Variants in PTPRD observed in about 807,000 individuals in gnomAD.
PTPRD encodes the protein protein tyrosine phosphatase receptor type D.
PTPRD carries 34 observed loss-of-function variants against 214.5 expected under a neutral mutation model. The observed-to-expected ratio is 0.16, with a 90% CI of 0.12 to 0.21. The LOEUF is 0.21. Ranked by LOEUF, PTPRD falls within the 10% of genes least tolerant of loss-of-function variation. The pLI is 1.00. For synonymous variants in PTPRD, 1,128 were observed against 845.7 expected (o/e 1.33, Z -5.79); for missense variants, 2,545 against 2,398.7 (o/e 1.06, Z -1.27).
intron 3 of PTPRD, among the ~76,000 whole-genome samples, chr9:10,041,246 G>A (rs2097292179): frequency 1.3e-5 from 2 of 151,912 alleles, no homozygotes; most frequent in Admixed American, 6.6e-5. Context: ...GTTGTATATT[G>A]AGGTAGTTTG....
In PTPRD at chr9:10,511,947, CGTGT is replaced by C. The variant is rs1349081868; in HGVS notation, c.-600+100447_-600+100450del. On this transcript the variant is annotated intron_variant, in intron 2 of 45. Coordinates refer to ENST00000381196, the MANE Select transcript of PTPRD (RefSeq NM_002839.4). The stretch of plus-strand genomic sequence containing the variant: ...ATATATATACGTGTATATATATATA[CGTGT>C]GTGTATATATATATACGTGTGTGTG... Among the ~76,000 whole-genome samples the C allele has an allele frequency of 2.4e-3, 163 of 67,438 alleles. 2 individuals are homozygous for C. Among genetic ancestry groups the C allele is most frequent in the Middle Eastern group, 0.011 (1 of 90 alleles). The allele number at this position is 67,438 out of a possible 152,430, so 44.2% of individuals were successfully genotyped here.
chr9:8,827,419 C>A lies in PTPRD; in HGVS notation c.-103-93473G>T, dbSNP rs560930070. ...GTCAAGGGTTCAAAACCAGCCTGGG[C>A]AACATGGTGAAACCCCATCTCTACT... On this transcript the variant is annotated intron_variant, in intron 11 of 45. Transcript: ENST00000381196. Among the ~76,000 whole-genome samples, 7 of 152,252 alleles carry A rather than the reference C, an allele frequency of 4.6e-5. No homozygotes were observed. The South Asian group carries it at 8.3e-4, about 18-fold the overall frequency.
At chr9:9,916,579 C>G (rs1170935124) in intron 5 of PTPRD, among the ~76,000 whole-genome samples, 1 of 151,350 alleles carries the variant, frequency 6.6e-6, no homozygotes, top group Non-Finnish European at 1.5e-5. Flanking sequence ...CCTACAAGAA[C>G]CTCATCTCAC....
intron 9 of PTPRD, among the ~76,000 whole-genome samples, chr9:9,245,121 A>G (rs534952419): frequency 6.6e-6 from 1 of 152,312 alleles, no homozygotes; most frequent in South Asian, 2.1e-4. Context: ...GGCAATCATT[A>G]AAATGTCAGG....
intron 14 of PTPRD, among the ~76,000 whole-genome samples, chr9:8,626,482 G>T (rs1028164778): frequency 6.6e-6 from 1 of 151,770 alleles, no homozygotes; most frequent in African/African-American, 2.4e-5. Context: ...TTAATTGTAC[G>T]TGTCACTTGA....
At chr9:9,810,970 G>A (rs938083579) in intron 5 of PTPRD, among the ~76,000 whole-genome samples, 3 of 151,912 alleles carry the variant, frequency 2.0e-5, no homozygotes, top group South Asian at 2.1e-4. Context: ...AGGTGCACTC[G>A]CTCACGTCTG....
chr9:8,872,668 T>G (rs1234403173), intron 11 of PTPRD, among the ~76,000 whole-genome samples: 1 of 152,236 alleles, frequency 6.6e-6, no homozygotes, highest in Non-Finnish European at 1.5e-5. Context: ...ATGTAAAGTC[T>G]GTTCTGTTAT....
chr9:9,659,542 C>T (rs565273320), intron 7 of PTPRD, among the ~76,000 whole-genome samples: 1 of 151,640 alleles, frequency 6.6e-6, no homozygotes, highest in Non-Finnish European at 1.5e-5. Context: ...TTTTTAAACC[C>T]CTGGGCATTC....
At chr9:9,498,961 C>T (rs1366160892) in intron 8 of PTPRD, among the ~76,000 whole-genome samples, 1 of 152,044 alleles carries the variant, frequency 6.6e-6, no homozygotes, top group Non-Finnish European at 1.5e-5. Flanking sequence ...CTCTCTCTCC[C>T]TCTCTCACTT....
intron 9 of PTPRD, among the ~76,000 whole-genome samples, chr9:9,392,904 AG>A (rs890045104): frequency 1.3e-5 from 2 of 152,132 alleles, no homozygotes; most frequent in African/African-American, 4.8e-5. Flanking sequence ...CCAAGCAAAA[AG>A]GGCTTCCTGG....
At chr9:10,060,803 C>T (rs10119582) in intron 3 of PTPRD, among the ~76,000 whole-genome samples, 7,650 of 102,372 alleles carry the variant, frequency 0.075, 973 homozygotes, top group African/African-American at 0.27. Context: ...TTTCTTTCTT[C>T]CTTTCTTTCT....
chr9:9,786,037 A>G (rs2098920878), intron 5 of PTPRD, among the ~76,000 whole-genome samples: 1 of 152,196 alleles, frequency 6.6e-6, no homozygotes, highest in South Asian at 2.1e-4. Flanking sequence ...TACAATGATG[A>G]GAATATATTA....
At chr9:9,316,960 C>G (rs1348386634) in intron 9 of PTPRD, among the ~76,000 whole-genome samples, 1 of 152,120 alleles carries the variant, frequency 6.6e-6, no homozygotes, top group Non-Finnish European at 1.5e-5. Context: ...GGAATCTGCC[C>G]TCATTTCTTT....
At chr9:9,601,754 T>C (rs920252135) in intron 7 of PTPRD, among the ~76,000 whole-genome samples, 3 of 152,096 alleles carry the variant, frequency 2.0e-5, no homozygotes, top group African/African-American at 7.2e-5. Flanking sequence ...ATCATTGTTC[T>C]GGTGGAAACT....
chr9:9,138,409 G>T (rs1201699043), intron 10 of PTPRD, among the ~76,000 whole-genome samples: 2 of 152,040 alleles, frequency 1.3e-5, no homozygotes, highest in African/African-American at 4.8e-5. Flanking sequence ...AGTACTATTT[G>T]CACTTAAAAG....
chr9:9,667,413 A>T (rs1456015757), intron 7 of PTPRD, among the ~76,000 whole-genome samples: 2 of 152,154 alleles, frequency 1.3e-5, no homozygotes, highest in East Asian at 3.9e-4. Flanking sequence ...GATCACAGCC[A>T]GCAAAACTGT....
chr9:10,380,002 C>G (rs1429917525), intron 2 of PTPRD, among the ~76,000 whole-genome samples: 1 of 151,940 alleles, frequency 6.6e-6, no homozygotes, highest in Non-Finnish European at 1.5e-5. Context: ...CCCAGGCTAG[C>G]AGGCTAGAAT....
At chr9:9,430,342 C>T (rs1270156982) in intron 8 of PTPRD, among the ~76,000 whole-genome samples, 1 of 151,490 alleles carries the variant, frequency 6.6e-6, no homozygotes, top group Non-Finnish European at 1.5e-5. Context: ...ATCCAACTTA[C>T]ATGGGTTGTG....
At chr9:8,609,354 T>C (rs1261306950) in intron 14 of PTPRD, among the ~76,000 whole-genome samples, 1 of 152,186 alleles carries the variant, frequency 6.6e-6, no homozygotes, top group East Asian at 1.9e-4. Context: ...GTGAAGTCAG[T>C]TTCTTCAAGG....
Sources: allele counts gnomAD v4.1 joint callset (sites outside exome capture counted in the v4.1 genomes callset), GRCh38; gene constraint gnomAD v4.1.1; transcripts MANE v1.5; gene names NCBI Gene and HGNC (gene_info 2026-07-23, HGNC 2026-07-21).